MCF2L: variants seen among roughly 807,000 people sequenced by gnomAD.
The protein encoded by MCF2L is MCF.2 cell line derived transforming sequence like, also known as guanine nucleotide exchange factor DBS.
MCF2L carries 97 observed loss-of-function variants against 153.4 expected under a neutral mutation model. The ratio of observed to expected loss-of-function variants is 0.63; its 90% CI spans 0.54 to 0.75. The LOEUF is 0.75. Among genes scored for constraint, MCF2L ranks in the 30% least tolerant of loss-of-function variants. The pLI, the probability that MCF2L is intolerant of heterozygous loss-of-function variation, is 0.00. For synonymous variants in MCF2L, 659 were observed against 632.2 expected, an observed-to-expected ratio of 1.04 and a Z score of -0.64; for missense variants, 1,347 against 1,495.2, an observed-to-expected ratio of 0.90 and a Z score of 1.64.
In MCF2L at chr13:113,074,861, G is replaced by A; in HGVS notation, c.1117-137G>A. ...ACAGAACAGCTTCGGGGATTAAGCAGCATCTCAGGCATCCGCAGCAGTAAA... is the reference window on the plus strand; with the variant it reads ...ACAGAACAGCTTCGGGGATTAAGCAACATCTCAGGCATCCGCAGCAGTAAA... On this transcript the variant is annotated intron_variant, in intron 10 of 29. Transcript: ENST00000535094. This position sits in a 1 kb window ranked among gnomAD's most constrained non-coding sequence, Gnocchi z 4.2. 1.2e-6 allele frequency: 1 copy of A among 851,976 alleles called. No individual in the cohort carries two copies. The highest frequency in any genetic ancestry group is 1.8e-6 in the Non-Finnish European group (1 of 552,274). 52.8% of individuals were successfully genotyped at this position (851,976 alleles called of 1,614,324 possible). A position where few individuals can be genotyped will look rare whatever the true frequency, so the allele number is the denominator to read the frequency against.
At chr13:112,905,062 C>G (rs1019692538) in intron 2 of MCF2L, among the ~76,000 whole-genome samples, 45 of 152,196 alleles carry the variant, frequency 3.0e-4, no homozygotes, top group African/African-American at 1.1e-3. Flanking sequence ...AACTCTGTCC[C>G]CATTAAACAC....
intron 2 of MCF2L, among the ~76,000 whole-genome samples, chr13:112,919,516 T>C (rs2081332646): frequency 1.3e-5 from 2 of 152,190 alleles, no homozygotes; most frequent in South Asian, 2.1e-4. Flanking sequence ...GAATTTGCAA[T>C]TTTTATAATA....
chr13:113,095,998 G>A (rs1301183011), intron 27 of MCF2L: 6 of 366,024 alleles, frequency 1.6e-5, no homozygotes, highest in South Asian at 2.7e-5. Flanking sequence ...GAGGACGGGC[G>A]AGTCGGGGAG....
chr13:113,001,010 C>T (rs959752250), intron 1 of MCF2L, among the ~76,000 whole-genome samples: 3 of 111,918 alleles, frequency 2.7e-5, no homozygotes, highest in African/African-American at 8.6e-5. Context: ...GGATTTTCGG[C>T]TCAAACTCTG....
At chr13:112,981,512 G>A (rs1195654293) in intron 1 of MCF2L, among the ~76,000 whole-genome samples, 1 of 152,212 alleles carries the variant, frequency 6.6e-6, no homozygotes, top group Non-Finnish European at 1.5e-5. Context: ...CCCCCATCCT[G>A]TAAGGAAGTG....
Position 112,993,262 on chromosome 13 carries a change from C to T in MCF2L, c.80-21501C>T, listed in dbSNP as rs983693585. Among the ~76,000 whole-genome samples the T allele has an allele frequency of 5.3e-5, 8 of 152,152 alleles. No individual in the cohort carries two copies. Among genetic ancestry groups the T allele is most frequent in the Non-Finnish European group, 1.0e-4 (7 of 68,032 alleles). On this transcript the variant is annotated intron_variant, in intron 1 of 29. Coordinates refer to ENST00000535094, the MANE Select transcript of MCF2L (RefSeq NM_001112732.3). The surrounding 1 kb of genome is among the most constrained non-coding windows in gnomAD (Gnocchi z 4.6). ...TGATGTCTTCGTGTGAACATGGTGG[C>T]GGGGGAGCGCCGGGCACACAACATG...
intron 2 of MCF2L, among the ~76,000 whole-genome samples, chr13:112,940,087 GGGGGGT>G (rs2081560497): frequency 6.6e-6 from 1 of 151,926 alleles, no homozygotes; most frequent in Non-Finnish European, 1.5e-5. Flanking sequence ...TTTATACAAC[GGGGGGT>G]GGGGGCATCC....
Position 113,097,278 on chromosome 13 carries a change from A to T in MCF2L, c.*419A>T. 1.2e-5 allele frequency: 2 copies of T among 164,496 alleles called. No homozygotes were observed. The highest frequency in any genetic ancestry group is 1.3e-5 in the Non-Finnish European group (1 of 76,440). 10.2% of individuals were successfully genotyped at this position (164,496 alleles called of 1,614,324 possible). A position where few individuals can be genotyped will look rare whatever the true frequency, so the allele number is the denominator to read the frequency against. On this transcript the variant is annotated 3_prime_UTR_variant, in exon 30 of 30. Transcript: ENST00000535094. ...GGTCTCTTTAGCTTTTACAAGTTTT[A>T]GGATTTTTTCAAGCAGGGATCAATC...
intron 3 of MCF2L, among the ~76,000 whole-genome samples, chr13:113,036,707 G>T (rs551809876): frequency 2.8e-4 from 42 of 150,462 alleles, no homozygotes; most frequent in African/African-American, 1.0e-3. Flanking sequence ...CCTTTCTTCA[G>T]GTGTCTGCGA....
At position 112,904,837 on chromosome 13, in the gene MCF2L, A is replaced by G. The variant is rs953667097; in HGVS notation, c.169+2466A>G. Among the ~76,000 whole-genome samples, 5 of 152,380 alleles carry G rather than the reference A, an allele frequency of 3.3e-5. No individual in the cohort carries two copies. The highest frequency in any genetic ancestry group is 7.3e-5 in the Non-Finnish European group (5 of 68,040). ...TGACCTGGGGCCTTGGCAATGTCCT[A>G]GCCCAGCTGGCTGGAGACAGTTGGT... On this transcript the variant is annotated intron_variant, in intron 2 of 29. Coordinates refer to the MCF2L transcript ENST00000375608. This position sits in a 1 kb window ranked among gnomAD's most constrained non-coding sequence, Gnocchi z 4.2.
chr13:112,972,927 A>G (rs1230718298), intron 1 of MCF2L, among the ~76,000 whole-genome samples: 1 of 150,140 alleles, frequency 6.7e-6, no homozygotes, highest in Non-Finnish European at 1.5e-5. Flanking sequence ...TGGCCTGAGC[A>G]ATGGGCTGAG....
rs2081333959 is a variant in MCF2L, at chr13:112,919,659, G to T, written c.169+17288G>T. ...TCTGAGAGTAATTGTTATTAAGTGG[G>T]TGTTTTTCCCAAGAGTTTGTATTTG... On this transcript the variant is annotated intron_variant, in intron 2 of 29. Transcript: ENST00000375608. 2.6e-5 allele frequency among the ~76,000 whole-genome samples: 4 copies of T among 152,254 alleles called. No individual in the cohort carries two copies. In the South Asian group the frequency reaches 8.3e-4, roughly 32 times the overall value.
chr13:113,035,813 C>T lies in MCF2L; in HGVS notation c.279-9458C>T, dbSNP rs990130305. ...GCGCCCCACTTGTTAGCTGTTTGAC[C>T]CTGGATATGTCATTCACTTCTGCGT... is the stretch of plus-strand genomic sequence containing the variant. On this transcript the variant is annotated intron_variant, in intron 3 of 29. Transcript: ENST00000535094. The surrounding 1 kb of genome is among the most constrained non-coding windows in gnomAD (Gnocchi z 4.4). Among the ~76,000 whole-genome samples the T allele has an allele frequency of 1.3e-5, 2 of 152,168 alleles. No homozygotes were observed. Among genetic ancestry groups the T allele is most frequent in the Admixed American group, 6.5e-5 (1 of 15,270 alleles).
chr13:113,074,296 C>A lies in MCF2L; in HGVS notation c.997-148C>A, dbSNP rs1281490970. Reference sequence around the variant, plus strand: ...TGGTGACCACTCGGGGCCGACTTTGCACCTGTCTGACTGTGGTCCCTGCTT... The same window carrying A: ...TGGTGACCACTCGGGGCCGACTTTGAACCTGTCTGACTGTGGTCCCTGCTT... On this transcript the variant is annotated intron_variant, in intron 9 of 29. Coordinates refer to ENST00000535094, the MANE Select transcript of MCF2L (RefSeq NM_001112732.3). The surrounding 1 kb of genome is among the most constrained non-coding windows in gnomAD (Gnocchi z 4.2). The A allele has an allele frequency of 1.1e-5, 11 of 1,001,268 alleles. No individual in the cohort carries two copies. Among genetic ancestry groups the A allele is most frequent in the Non-Finnish European group, 1.6e-5 (11 of 671,366 alleles). 62.0% of individuals were successfully genotyped at this position (1,001,268 alleles called of 1,614,324 possible). A position where few individuals can be genotyped will look rare whatever the true frequency, so the allele number is the denominator to read the frequency against.
chr13:112,917,391 T>C, intron 2 of MCF2L: 7 of 353,004 alleles, frequency 2.0e-5, no homozygotes, highest in South Asian at 1.5e-4. Flanking sequence ...GGAAATCCTG[T>C]TGGCTGTGCC....
intron 2 of MCF2L, among the ~76,000 whole-genome samples, chr13:112,917,786 C>G (rs1397805801): frequency 2.0e-5 from 3 of 152,190 alleles, no homozygotes; most frequent in African/African-American, 7.2e-5. Context: ...GTGATTTTCC[C>G]TTCTCTTGTT....
intron 2 of MCF2L, among the ~76,000 whole-genome samples, chr13:113,018,294 T>C (rs1278001607): frequency 6.6e-6 from 1 of 152,208 alleles, no homozygotes; most frequent in Non-Finnish European, 1.5e-5. Context: ...TCCCTCGTAA[T>C]CCACACCCTC....
chr13:112,935,553 G>A (rs531407368), intron 2 of MCF2L, among the ~76,000 whole-genome samples: 5 of 152,116 alleles, frequency 3.3e-5, no homozygotes, highest in East Asian at 3.9e-4. Context: ...CACCACACCC[G>A]ACCCCATACT....
At chr13:112,968,340 CAG>C (rs1261544086), upstream of MCF2L, 48 of 1,310,748 alleles carry the variant, frequency 3.7e-5, no homozygotes, top group Non-Finnish European at 4.7e-5. Flanking sequence ...GAGGAGAGCT[CAG>C]AGAGTTTCTT....
Sources: allele counts gnomAD v4.1 joint callset (sites outside exome capture counted in the v4.1 genomes callset), GRCh38; gene constraint gnomAD v4.1.1; non-coding constraint Gnocchi (gnomAD v3.1); transcripts MANE v1.5; gene names NCBI Gene and HGNC (gene_info 2026-07-23, HGNC 2026-07-21).